Variants in CRHBP observed in about 807,000 individuals in gnomAD.
CRHBP encodes corticotropin releasing hormone binding protein.
In CRHBP, 19 loss-of-function variants were observed where a neutral mutation model predicts 34.9. The ratio of observed to expected loss-of-function variants is 0.55; its 90% CI spans 0.38 to 0.80. The LOEUF is 0.80. Among genes scored for constraint, CRHBP ranks in the 30% least tolerant of loss-of-function variants. The pLI is 0.00. For missense variants in CRHBP, 328 were observed against 409.2 expected, an observed-to-expected ratio of 0.80 and a Z score of 1.71; for synonymous variants, 154 against 153.4, an observed-to-expected ratio of 1.00 and a Z score of -0.03.
rs1745908540 is a variant in CRHBP at position 76,969,224 on chromosome 5, C to T, written c.*339C>T. 5.3e-6 allele frequency: 1 copy of T among 188,700 alleles called. No homozygotes were observed. The highest frequency in any genetic ancestry group is 6.0e-5 in the Admixed American group (1 of 16,618). The allele number at this position is 188,700 out of a possible 1,614,324, so 11.7% of individuals were successfully genotyped here. A position where few individuals can be genotyped will look rare whatever the true frequency, so the allele number is the denominator to read the frequency against. ...AACGTGCAATACAAAAATCGTATCT[C>T]AAGGGAAAATACTCAAAGAAAGAAA... On this transcript the variant is annotated 3_prime_UTR_variant, in exon 7 of 7. Coordinates refer to ENST00000274368, the MANE Select transcript of CRHBP (RefSeq NM_001882.4).
chr5:76,966,550 AGCTTTAGGAAGTTT>A (rs1212039647), intron 6 of CRHBP, among the ~76,000 whole-genome samples: 1 of 152,040 alleles, frequency 6.6e-6, no homozygotes, highest in Non-Finnish European at 1.5e-5. Flanking sequence ...CTTTTGGTTC[AGCTTTAGGAAGTTT>A]GCATTAATTG....
intron 3 of CRHBP, among the ~76,000 whole-genome samples, chr5:76,954,774 A>AC (rs1462396047): frequency 1.3e-5 from 2 of 152,036 alleles, no homozygotes; most frequent in African/African-American, 4.8e-5. Context: ...GCAGGACAAG[A>AC]CCCCTAAGCT....
chr5:76,965,695 G>A (rs1343756933), intron 6 of CRHBP, among the ~76,000 whole-genome samples: 1 of 152,150 alleles, frequency 6.6e-6, no homozygotes, highest in Admixed American at 6.5e-5. Flanking sequence ...TGATTCTAAA[G>A]CCAGAAAACC....
At chr5:76,958,986 G>T (rs1338085809) in intron 5 of CRHBP, 97 bp downstream of exon 5, 1 of 1,311,362 alleles carries the variant, frequency 7.6e-7, no homozygotes, top group South Asian at 1.5e-5. Flanking sequence ...TAGCAAATTG[G>T]CGTAGTACGT....
intron 6 of CRHBP, among the ~76,000 whole-genome samples, chr5:76,968,425 C>G (rs531757014): frequency 6.6e-6 from 1 of 151,992 alleles, no homozygotes; most frequent in African/African-American, 2.4e-5. Flanking sequence ...ACTACTTAGG[C>G]TTTGCAGGCA....
intron 5 of CRHBP, among the ~76,000 whole-genome samples, chr5:76,961,318 TC>T (rs986741168): frequency 1.3e-5 from 2 of 152,216 alleles, no homozygotes; most frequent in African/African-American, 4.8e-5. Context: ...TTCTATTTCT[TC>T]CTAGCTTCTT....
intron 3 of CRHBP, among the ~76,000 whole-genome samples, chr5:76,976,902 T>A (rs1746041907): frequency 1.3e-5 from 2 of 152,162 alleles, no homozygotes; most frequent in Admixed American, 6.5e-5. Flanking sequence ...TATCTACTCA[T>A]CGATTAATTA....
chr5:76,977,410 C>A (rs1190805795), intron 3 of CRHBP, among the ~76,000 whole-genome samples: 1 of 152,182 alleles, frequency 6.6e-6, no homozygotes, highest in Non-Finnish European at 1.5e-5. Context: ...CATGTGTTCA[C>A]TTCATGTGTC....
At chr5:76,953,792 CT>C in intron 2 of CRHBP, 98 bp downstream of exon 2, 1 of 1,329,244 alleles carries the variant, frequency 7.5e-7, no homozygotes, top group Non-Finnish European at 1.0e-6. Flanking sequence ...GGGGAAGGGG[CT>C]GGCCGGAACC....
At position 76,953,186 on chromosome 5, in the gene CRHBP, G is replaced by C. The variant is rs200133917; in HGVS notation, c.52G>C (p.Ala18Pro). Residue 18 changes from alanine (A) to proline (P), a missense_variant, in exon 1 of 7, where the codon GCT becomes CCT. Coordinates refer to ENST00000274368, the MANE Select transcript of CRHBP (RefSeq NM_001882.4). ...QCHFILIFLT[A>P]LRGESRYLEL... Reference sequence around the variant, plus strand: ...TCACTTCATTCTCATCTTCCTGACGGCTCTAAGAGGGGAAAGCCGGTACCT... The same window carrying C: ...TCACTTCATTCTCATCTTCCTGACGCCTCTAAGAGGGGAAAGCCGGTACCT... 1.2e-6 allele frequency: 2 copies of C among 1,614,174 alleles called. No homozygotes were observed. Among genetic ancestry groups the C allele is most frequent in the African/African-American group, 2.7e-5 (2 of 75,048 alleles).
chr5:76,980,068 G>A (rs1443937963), intron 3 of CRHBP, among the ~76,000 whole-genome samples: 7 of 151,208 alleles, frequency 4.6e-5, no homozygotes, highest in Admixed American at 2.0e-4. Context: ...TGGCTAACAC[G>A]GTGAAACCCC....
chr5:76,976,191 A>G (rs1746033026), intron 2 of CRHBP, among the ~76,000 whole-genome samples: 1 of 152,052 alleles, frequency 6.6e-6, no homozygotes, highest in East Asian at 1.9e-4. Flanking sequence ...AGGAAAAGAA[A>G]GAGTATGAGA....
chr5:76,980,890 C>A (rs1484292585), intron 3 of CRHBP: 1 of 152,200 alleles, frequency 6.6e-6, no homozygotes, highest in East Asian at 1.9e-4. Context: ...ATAAGCAAAG[C>A]TGTTGCAAAA....
chr5:76,961,097 A>G (rs1055221265), intron 5 of CRHBP, among the ~76,000 whole-genome samples: 1 of 152,166 alleles, frequency 6.6e-6, no homozygotes, highest in Non-Finnish European at 1.5e-5. Context: ...ATTGTGGGCT[A>G]GGCAAAAGAT....
Position 76,955,767 on chromosome 5 carries a change from A to G in CRHBP, c.448A>G (p.Ile150Val), listed in dbSNP as rs754552478. ...TGAGAGTGGTCTTAGCAGGAGGAGC[A>G]TCAGATCTTCCCAGAATGTGGCCAT... is the stretch of plus-strand genomic sequence containing the variant. ...FCESGLSRRS[I>V]RSSQNVAMIF... Residue 150 changes from isoleucine to valine, a missense_variant, in exon 4 of 7, where the codon ATC (isoleucine) becomes GTC (valine). By Grantham distance (29) the Ile-to-Val change is conservative. This residue lies in a region of CRHBP where 173 missense variants were observed against 172.2 expected (regional missense o/e 1.00). Transcript: ENST00000274368. The G allele has an allele frequency of 6.2e-7, 1 of 1,614,222 alleles. No individual in the cohort carries two copies. Among genetic ancestry groups the G allele is most frequent in the Non-Finnish European group, 8.5e-7 (1 of 1,180,042 alleles).
chr5:76,963,157 A>G, intron 5 of CRHBP, 186 bp from the exon 6 acceptor site: 1 of 569,936 alleles, frequency 1.8e-6, no homozygotes, highest in Admixed American at 2.8e-5. Flanking sequence ...GATTTAGAAA[A>G]GCAATTTTTA....
intron 6 of CRHBP, among the ~76,000 whole-genome samples, chr5:76,964,919 C>T (rs79944412): frequency 0.012 from 1,867 of 151,332 alleles, 21 homozygotes; most frequent in Non-Finnish European, 0.02. Flanking sequence ...GGGAGGCTGA[C>T]GCAGGAGGAT....
intron 3 of CRHBP, among the ~76,000 whole-genome samples, chr5:76,976,904 G>A (rs748826828): frequency 2.6e-5 from 4 of 151,842 alleles, no homozygotes; most frequent in African/African-American, 7.2e-5. Flanking sequence ...TCTACTCATC[G>A]ATTAATTAAA....
At chr5:76,953,308 C>T (rs57642681) in intron 1 of CRHBP, 93 bp downstream of exon 1, 1 of 1,196,514 alleles carries the variant, frequency 8.4e-7, no homozygotes, top group Non-Finnish European at 1.2e-6. Flanking sequence ...TTTTGGGGTT[C>T]GCTGTTTCTT....
Sources: gnomAD v4.1 joint callset for allele counts (sites outside exome capture counted in the v4.1 genomes callset) on GRCh38, gnomAD v4.1.1 for gene constraint, gnomAD v4.1.1 regional missense constraint, MANE v1.5 for transcripts, NCBI Gene and HGNC (gene_info 2026-07-23, HGNC 2026-07-21) for gene names.